THEMIS: variants seen among roughly 807,000 people sequenced by gnomAD.
THEMIS encodes protein THEMIS.
Under a neutral mutation model 52.6 loss-of-function variants are expected in THEMIS, and 37 were observed. The ratio of observed to expected loss-of-function variants is 0.70; its 90% CI spans 0.54 to 0.93. THEMIS has a LOEUF of 0.93. Among genes scored for constraint, THEMIS ranks in the 40% least tolerant of loss-of-function variants. The pLI, the probability that THEMIS is intolerant of heterozygous loss-of-function variation, is 0.00. For synonymous variants in THEMIS, 292 were observed against 272.7 expected (o/e 1.07, Z -0.70); for missense variants, 808 against 763.1 (o/e 1.06, Z -0.69).
chr6:127,787,202 T>C (rs1005827495), intron 4 of THEMIS, among the ~76,000 whole-genome samples: 2 of 152,152 alleles, frequency 1.3e-5, no homozygotes, highest in African/African-American at 2.4e-5. Flanking sequence ...TTTTTTTTAA[T>C]ATATTCTAAA....
chr6:127,792,682 C>A lies in THEMIS; in HGVS notation c.1758+20201G>T, dbSNP rs1436879165. Among the ~76,000 whole-genome samples, 3 of 152,148 alleles carry A rather than the reference C, an allele frequency of 2.0e-5. No homozygotes were observed. The East Asian group carries it at 5.8e-4, about 29-fold the overall frequency. Reference sequence around the variant, plus strand: ...GCCTGCCTATACAGGCCACTCTCCCCAAAACAGACTGCCTTTTAACCATGA... The same window carrying A: ...GCCTGCCTATACAGGCCACTCTCCCAAAAACAGACTGCCTTTTAACCATGA... On this transcript the variant is annotated intron_variant, in intron 4 of 5. Transcript: ENST00000368248.
chr6:127,870,741 G>A (rs1016484866), intron 1 of THEMIS, among the ~76,000 whole-genome samples: 4 of 152,072 alleles, frequency 2.6e-5, no homozygotes, highest in African/African-American at 9.7e-5. Flanking sequence ...TAGAGGCAGA[G>A]AAAAACATTA....
intron 4 of THEMIS, among the ~76,000 whole-genome samples, chr6:127,736,282 G>A (rs116677980): frequency 4.0e-4 from 61 of 152,150 alleles, no homozygotes; most frequent in African/African-American, 1.4e-3. Context: ...AATTTATACT[G>A]AGAAAATATT....
rs112641656 is a variant in THEMIS, at chr6:127,725,851, C to T, written c.1759-6028G>A. On this transcript the variant is annotated intron_variant, in intron 4 of 5. Coordinates refer to ENST00000368248, the MANE Select transcript of THEMIS (RefSeq NM_001010923.3). ...GTACCTTGCAGCCTTACGTTGTTTA[C>T]AGAGGGTTTGCTCAAGCCTGTGTTT... Among the ~76,000 whole-genome samples the T allele has an allele frequency of 7.1e-4, 108 of 152,192 alleles. 1 individual carries two copies. The highest frequency in any genetic ancestry group is 2.6e-3 in the African/African-American group (106 of 41,544).
intron 4 of THEMIS, among the ~76,000 whole-genome samples, chr6:127,739,769 T>C (rs1775133729): frequency 6.6e-6 from 1 of 152,214 alleles, no homozygotes; most frequent in African/African-American, 2.4e-5. Flanking sequence ...TTTAATGCTG[T>C]ACCGTAACAA....
intron 2 of THEMIS, among the ~76,000 whole-genome samples, chr6:127,845,355 G>A (rs1269261330): frequency 5.3e-5 from 8 of 151,714 alleles, no homozygotes; most frequent in Admixed American, 2.6e-4. Flanking sequence ...TTCAAAAGTC[G>A]AAAAATTAAC....
intron 1 of THEMIS, among the ~76,000 whole-genome samples, chr6:127,911,007 T>G (rs1228733327): frequency 1.3e-5 from 2 of 152,086 alleles, no homozygotes; most frequent in African/African-American, 4.8e-5. Flanking sequence ...GTGCCTCAAT[T>G]TCAGTCTGTC....
intron 3 of THEMIS, among the ~76,000 whole-genome samples, chr6:127,828,722 C>T (rs972404254): frequency 1.3e-5 from 2 of 152,056 alleles, no homozygotes; most frequent in South Asian, 2.1e-4. Context: ...TGGGAGGTGA[C>T]GTGGGCCGAT....
intron 4 of THEMIS, among the ~76,000 whole-genome samples, chr6:127,768,249 TTAACTAACCTTATTTGTATTTCAGGG>T (rs1455309791): frequency 2.6e-5 from 4 of 152,204 alleles, no homozygotes; most frequent in African/African-American, 9.7e-5. Flanking sequence ...AAAATAAATG[TTAACTAACCTTATTTGTATTTCAGGG>T]ATTCAGCTTC....
At chr6:127,848,148 C>T (rs1779287396) in intron 2 of THEMIS, among the ~76,000 whole-genome samples, 2 of 145,330 alleles carry the variant, frequency 1.4e-5, no homozygotes, top group African/African-American at 5.1e-5. Context: ...TGTTCAATTC[C>T]CACCTATGAA....
At chr6:127,775,369 T>C (rs1776531411) in intron 4 of THEMIS, among the ~76,000 whole-genome samples, 1 of 152,234 alleles carries the variant, frequency 6.6e-6, no homozygotes, top group African/African-American at 2.4e-5. Context: ...CACCTATTTC[T>C]CTGAGTAGAG....
At chr6:127,710,352 T>C (rs1773934843) in intron 5 of THEMIS, among the ~76,000 whole-genome samples, 1 of 151,968 alleles carries the variant, frequency 6.6e-6, no homozygotes, top group South Asian at 2.1e-4. Context: ...GGTAGAAAAC[T>C]GAGGCCTCAG....
chr6:127,727,843 G>C (rs968004599), intron 4 of THEMIS, among the ~76,000 whole-genome samples: 3 of 152,048 alleles, frequency 2.0e-5, no homozygotes, highest in African/African-American at 4.8e-5. Context: ...TATCTCCTCA[G>C]CTCAACTTAA....
At chr6:127,876,496 T>C (rs974318954) in intron 1 of THEMIS, among the ~76,000 whole-genome samples, 27 of 152,224 alleles carry the variant, frequency 1.8e-4, no homozygotes, top group African/African-American at 6.5e-4. Flanking sequence ...ACAGACTGTC[T>C]TAGAATGGGG....
intron 4 of THEMIS, among the ~76,000 whole-genome samples, chr6:127,771,105 A>G (rs1229236315): frequency 6.6e-6 from 1 of 152,184 alleles, no homozygotes; most frequent in African/African-American, 2.4e-5. Context: ...CAAAAATCAC[A>G]TGCATTCCTG....
chr6:127,900,708 A>G lies in THEMIS; in HGVS notation c.91+134T>C, dbSNP rs75036643. On this transcript the variant is annotated intron_variant, in intron 1 of 5. Coordinates refer to ENST00000368248, the MANE Select transcript of THEMIS (RefSeq NM_001010923.3). ...CTTTTGACGATTCGTTGGTCAGTTC[A>G]TTACTTTCTTTTGTGATCGCCTTTC... The G allele has an allele frequency of 9.5e-3, 7,230 of 760,198 alleles. 412 individuals are homozygous for G. The African/African-American group carries it at 0.11, about 12-fold the overall frequency. 47.1% of individuals were successfully genotyped at this position (760,198 alleles called of 1,614,324 possible).
chr6:127,702,982 C>G, the THEMIS span, among the ~76,000 whole-genome samples: 5 of 139,184 alleles, frequency 3.6e-5, no homozygotes, highest in Non-Finnish European at 7.8e-5. Flanking sequence ...TTTATCATTT[C>G]TAGCACTTTA....
chr6:127,737,118 G>A (rs1039773294), intron 4 of THEMIS, among the ~76,000 whole-genome samples: 7 of 152,146 alleles, frequency 4.6e-5, no homozygotes, highest in Non-Finnish European at 8.8e-5. Context: ...ATTCCCACCA[G>A]ATGGCAGTCT....
the THEMIS span, among the ~76,000 whole-genome samples, chr6:127,700,946 C>T: frequency 1.3e-5 from 2 of 152,072 alleles, no homozygotes; most frequent in Non-Finnish European, 2.9e-5. Context: ...AATCTCTCCT[C>T]AAACTTTACC....
Sources: gnomAD v4.1 joint callset for allele counts (sites outside exome capture counted in the v4.1 genomes callset) on GRCh38, gnomAD v4.1.1 for gene constraint, MANE v1.5 for transcripts, NCBI Gene and HGNC (gene_info 2026-07-23, HGNC 2026-07-21) for gene names.